The following LRP1B variants were observed in gnomAD, a reference collection of about 807,000 sequenced individuals.
The protein encoded by LRP1B is LDL receptor related protein 1B.
In LRP1B, 217 loss-of-function variants were observed where a neutral mutation model predicts 556.6. That is an observed-to-expected ratio of 0.39 (90% CI 0.35 to 0.44). The LOEUF (loss-of-function observed/expected upper bound fraction) is 0.44. LRP1B is among the 20% of genes least tolerant of loss of function. The probability of loss-of-function intolerance (pLI) is 1.00; values close to 1 mark genes in which losing one functional copy is unlikely to be tolerated. For synonymous variants in LRP1B, 2,047 were observed against 1,865.8 expected (o/e 1.10, Z -2.50); for missense variants, 5,053 against 5,620.8 (o/e 0.90, Z 3.23).
At chr2:140,759,915 A>C (rs1429813798) in intron 35 of LRP1B, among the ~76,000 whole-genome samples, 2 of 152,188 alleles carry the variant, frequency 1.3e-5, no homozygotes, top group Non-Finnish European at 2.9e-5. Context: ...CAATTTCTTG[A>C]AAGAGCTTTT....
At chr2:141,096,677 A>AGAGG (rs1700327313) in intron 7 of LRP1B, among the ~76,000 whole-genome samples, 1 of 129,076 alleles carries the variant, frequency 7.7e-6, no homozygotes, top group African/African-American at 2.8e-5. Flanking sequence ...AGAGAGAGAG[A>AGAGG]GAGAGAGAGA....
At chr2:141,266,583 G>A (rs932753915) in intron 3 of LRP1B, among the ~76,000 whole-genome samples, 1 of 152,080 alleles carries the variant, frequency 6.6e-6, no homozygotes, top group Non-Finnish European at 1.5e-5. Context: ...CTCATTTTGT[G>A]TTATGCCTGC....
intron 1 of LRP1B, among the ~76,000 whole-genome samples, chr2:141,947,901 T>G (rs540053010): frequency 6.6e-6 from 1 of 152,122 alleles, no homozygotes; most frequent in East Asian, 1.9e-4. Context: ...TTTTGAGACG[T>G]AGAAAGCATC....
At chr2:140,585,015 A>G (rs979075111) in intron 43 of LRP1B, among the ~76,000 whole-genome samples, 2 of 152,012 alleles carry the variant, frequency 1.3e-5, no homozygotes, top group African/African-American at 4.8e-5. Flanking sequence ...GACTTTGGGT[A>G]TATTGCTTTT....
intron 41 of LRP1B, among the ~76,000 whole-genome samples, chr2:140,672,565 G>T (rs1685526781): frequency 1.3e-5 from 2 of 149,070 alleles, no homozygotes; most frequent in Non-Finnish European, 1.5e-5. Context: ...TATTGTTAAA[G>T]CCTGGGAAAA....
chr2:141,105,918 TA>T (rs199979359), intron 7 of LRP1B, among the ~76,000 whole-genome samples: 6 of 150,676 alleles, frequency 4.0e-5, no homozygotes, highest in Admixed American at 6.6e-5. Flanking sequence ...ATCATCCTCT[TA>T]AAAAAAAAGC....
intron 7 of LRP1B, among the ~76,000 whole-genome samples, chr2:141,123,512 T>C (rs1411471073): frequency 6.6e-6 from 1 of 152,140 alleles, no homozygotes; most frequent in Non-Finnish European, 1.5e-5. Context: ...TGAAAACTGA[T>C]ATTCTACACA....
intron 3 of LRP1B, among the ~76,000 whole-genome samples, chr2:141,432,202 C>A (rs1465166610): frequency 1.3e-5 from 2 of 151,996 alleles, no homozygotes; most frequent in Non-Finnish European, 2.9e-5. Context: ...TTTTCTGTAT[C>A]TTTTGAAATT....
chr2:140,909,140 T>C (rs1694344086), intron 21 of LRP1B, among the ~76,000 whole-genome samples: 1 of 152,082 alleles, frequency 6.6e-6, no homozygotes, highest in African/African-American at 2.4e-5. Context: ...ATTCCTCCTT[T>C]CGAAACAGTC....
intron 41 of LRP1B, among the ~76,000 whole-genome samples, chr2:140,661,324 C>T (rs972065774): frequency 6.6e-6 from 1 of 151,874 alleles, no homozygotes; most frequent in African/African-American, 2.4e-5. Context: ...AATGGAATTA[C>T]ATTACCAGGA....
chr2:141,169,800 C>CAAAAAAAAAAAAAA (rs574461113), intron 7 of LRP1B, among the ~76,000 whole-genome samples: 1 of 87,390 alleles, frequency 1.1e-5, no homozygotes, highest in Non-Finnish European at 2.4e-5. Flanking sequence ...ACACCTTAAC[C>CAAAAAAAAAAAAAA]AAAAAAAAAA....
At chr2:141,410,069 G>A (rs1690794696) in intron 3 of LRP1B, among the ~76,000 whole-genome samples, 1 of 151,958 alleles carries the variant, frequency 6.6e-6, no homozygotes, top group African/African-American at 2.4e-5. Context: ...AAACGTATAA[G>A]CAGGCTTTTA....
chr2:140,240,723 C>G (rs529696267), intron 87 of LRP1B, among the ~76,000 whole-genome samples: 23 of 150,882 alleles, frequency 1.5e-4, no homozygotes, highest in African/African-American at 5.1e-4. Flanking sequence ...AGCCCAACAA[C>G]TAGTTAAAAT....
intron 2 of LRP1B, among the ~76,000 whole-genome samples, chr2:141,717,775 T>A (rs10199508): frequency 3.9e-5 from 6 of 152,130 alleles, no homozygotes; most frequent in Admixed American, 3.9e-4. Flanking sequence ...TTGAGAATGA[T>A]ACTTTAAATT....
intron 80 of LRP1B, among the ~76,000 whole-genome samples, chr2:140,325,559 A>G (rs746182746): frequency 1.3e-5 from 2 of 152,134 alleles, no homozygotes; most frequent in Non-Finnish European, 2.9e-5. Flanking sequence ...TGTTCAAGTC[A>G]AGATGGACAA....
intron 1 of LRP1B, among the ~76,000 whole-genome samples, chr2:141,972,824 AT>A (rs1271711894): frequency 2.0e-5 from 3 of 151,862 alleles, no homozygotes; most frequent in Non-Finnish European, 4.4e-5. Context: ...GAATTAAAGT[AT>A]CAACATTGAA....
At chr2:141,963,192 T>G (rs578134893) in intron 1 of LRP1B, among the ~76,000 whole-genome samples, 1 of 151,994 alleles carries the variant, frequency 6.6e-6, no homozygotes, top group South Asian at 2.1e-4. Context: ...ATAGAATACT[T>G]TTCCTCCTAT....
chr2:141,517,023 A>AC (rs1199753156), intron 2 of LRP1B, among the ~76,000 whole-genome samples: 4,958 of 117,544 alleles, frequency 0.042, 623 homozygotes, highest in African/African-American at 0.13. Flanking sequence ...AAAAAAAAAA[A>AC]AAAAAAAAAG....
At chr2:140,319,341 TCTCTCTCCTAAATGC>T (rs1456679068) in intron 82 of LRP1B, among the ~76,000 whole-genome samples, 1 of 152,138 alleles carries the variant, frequency 6.6e-6, no homozygotes, top group African/African-American at 2.4e-5. Context: ...ATTATCCTAA[TCTCTCTCCTAAATGC>T]CTCTCTCACC....
Sources: allele counts gnomAD v4.1 joint callset (sites outside exome capture counted in the v4.1 genomes callset), GRCh38; gene constraint gnomAD v4.1.1; transcripts MANE v1.5; gene names NCBI Gene and HGNC (gene_info 2026-07-23, HGNC 2026-07-21).